The following MITF variants were observed in gnomAD, a reference collection of about 807,000 sequenced individuals.
MITF encodes the protein melanocyte inducing transcription factor, also known as microphthalmia-associated transcription factor.
MITF carries 17 observed loss-of-function variants against 60.5 expected under a neutral mutation model. The observed-to-expected ratio is 0.28, with a 90% CI of 0.19 to 0.42. The LOEUF (loss-of-function observed/expected upper bound fraction) is 0.42, where lower values mean the gene tolerates loss of function less well. Among genes scored for constraint, MITF ranks in the 10% least tolerant of loss-of-function variants. The pLI is 1.00. For synonymous variants in MITF, 260 were observed against 248.5 expected (o/e 1.05, Z -0.43); for missense variants, 622 against 683.5 (o/e 0.91, Z 1.00).
At chr3:69,961,449 C>T (rs1409987101) in intron 9 of MITF, among the ~76,000 whole-genome samples, 1 of 144,596 alleles carries the variant, frequency 6.9e-6, no homozygotes, top group African/African-American at 2.6e-5. Context: ...GTTCACGCCT[C>T]TAATCCCAGC....
intron 1 of MITF, among the ~76,000 whole-genome samples, chr3:69,743,648 G>A (rs555720609): frequency 2.8e-4 from 42 of 152,280 alleles, no homozygotes; most frequent in Non-Finnish European, 5.1e-4. Flanking sequence ...TTTGCACACC[G>A]TTTCCTCCGA....
intron 1 of MITF, among the ~76,000 whole-genome samples, chr3:69,740,918 C>T (rs189507064): frequency 2.4e-4 from 37 of 152,276 alleles, no homozygotes; most frequent in South Asian, 2.1e-4. Flanking sequence ...GTAATCTTGG[C>T]CTCTGGCGAG....
At chr3:69,808,664 C>A (rs2063051692) in intron 1 of MITF, among the ~76,000 whole-genome samples, 1 of 152,018 alleles carries the variant, frequency 6.6e-6, no homozygotes, top group Admixed American at 6.6e-5. Flanking sequence ...GAGACTCACT[C>A]ATGGACATCA....
chr3:69,822,983 A>G (rs1007556126), intron 1 of MITF, among the ~76,000 whole-genome samples: 2 of 151,114 alleles, frequency 1.3e-5, no homozygotes, highest in African/African-American at 2.4e-5. Flanking sequence ...ACTGCAAGCA[A>G]TTTTCCTGCT....
At position 69,925,212 on chromosome 3, in the gene MITF, A is replaced by C. The variant is rs1380063785; in HGVS notation, c.355-12610A>C. Among the ~76,000 whole-genome samples, 5 of 152,184 alleles carry C rather than the reference A, an allele frequency of 3.3e-5. No homozygotes were observed. The East Asian group carries it at 7.7e-4, about 24-fold the overall frequency. On this transcript the variant is annotated intron_variant, in intron 2 of 9. Transcript: ENST00000352241. ...AGCAACTATTAGGTAGGTAGGATCC[A>C]TGAGCCCATTTTGTAAACAGAAAAC...
At chr3:69,927,996 G>C (rs570185249) in intron 2 of MITF, among the ~76,000 whole-genome samples, 1 of 152,196 alleles carries the variant, frequency 6.6e-6, no homozygotes, top group Non-Finnish European at 1.5e-5. Flanking sequence ...TTTTGGGGCC[G>C]TCGGGTCCAT....
chr3:69,906,215 A>G (rs959836983), intron 2 of MITF, among the ~76,000 whole-genome samples: 1 of 152,132 alleles, frequency 6.6e-6, no homozygotes. Context: ...TGAAAAAACT[A>G]TCCTTTTTCC....
At chr3:69,782,938 G>T (rs1368938934) in intron 1 of MITF, among the ~76,000 whole-genome samples, 5 of 152,170 alleles carry the variant, frequency 3.3e-5, no homozygotes, top group Non-Finnish European at 7.4e-5. Context: ...CCTTAACAGA[G>T]ATGAGAATAG....
intron 5 of MITF, among the ~76,000 whole-genome samples, chr3:69,942,626 A>G (rs1034176539): frequency 4.6e-5 from 7 of 152,110 alleles, no homozygotes; most frequent in Non-Finnish European, 5.9e-5. Context: ...TGGAAGAACC[A>G]GGTGTTCTAC....
intron 1 of MITF, among the ~76,000 whole-genome samples, chr3:69,821,444 A>G (rs1529585): frequency 0.31 from 47,202 of 151,782 alleles, 8,882 homozygotes; most frequent in Non-Finnish European, 0.43. Context: ...CTTAAAATCT[A>G]ATTGGTAGGA....
At chr3:69,772,334 G>A (rs1186456139) in intron 1 of MITF, among the ~76,000 whole-genome samples, 3 of 152,160 alleles carry the variant, frequency 2.0e-5, no homozygotes, top group Non-Finnish European at 1.5e-5. Context: ...TTAGAATGGT[G>A]CATGGAGGCT....
At chr3:69,934,126 A>T (rs571982084) in intron 2 of MITF, among the ~76,000 whole-genome samples, 1 of 152,270 alleles carries the variant, frequency 6.6e-6, no homozygotes, top group South Asian at 2.1e-4. Context: ...AATGCCAACC[A>T]CATTCTAGAT....
intron 2 of MITF, among the ~76,000 whole-genome samples, chr3:69,880,272 G>GA (rs1414154293): frequency 2.0e-5 from 3 of 151,980 alleles, no homozygotes; most frequent in Non-Finnish European, 4.4e-5. Flanking sequence ...CATGTGCACA[G>GA]AAAAAATGTC....
intron 1 of MITF, among the ~76,000 whole-genome samples, 180 bp downstream of exon 1, chr3:69,739,881 C>A (rs1703464152): frequency 6.6e-6 from 1 of 152,056 alleles, no homozygotes; most frequent in African/African-American, 2.4e-5. Context: ...CCCAAGTGCG[C>A]CTTTAGGAAG....
At position 69,966,485 on chromosome 3, in the gene MITF, A is replaced by G. The variant is rs986914207; in HGVS notation, c.*1237A>G. ...ATTTTTAGGACATGAAAATAGCAAT[A>G]TTCTTGGAGATTGATAACCATAGCA... is the stretch of plus-strand genomic sequence containing the variant. On this transcript the variant is annotated 3_prime_UTR_variant, in exon 10 of 10. Transcript: ENST00000352241. The G allele has an allele frequency of 4.3e-6, 1 of 232,750 alleles. No individual in the cohort carries two copies. Among genetic ancestry groups the G allele is most frequent in the Non-Finnish European group, 8.5e-6 (1 of 117,592 alleles). 14.4% of individuals were successfully genotyped at this position (232,750 alleles called of 1,614,324 possible).
Position 69,877,783 on chromosome 3 carries a change from T to C in MITF, c.105-1351T>C, listed in dbSNP as rs116319315. 6.7e-3 allele frequency among the ~76,000 whole-genome samples: 1,023 copies of C among 152,266 alleles called. 5 individuals are homozygous for C. Among genetic ancestry groups the C allele is most frequent in the Non-Finnish European group, 0.012 (816 of 67,998 alleles). Reference sequence around the variant, plus strand: ...AGCTCATGAGGATGGTCAATGATATTTAAGGCTTCATTTTGCCTTTTATTA... The same window carrying C: ...AGCTCATGAGGATGGTCAATGATATCTAAGGCTTCATTTTGCCTTTTATTA... On this transcript the variant is annotated intron_variant, in intron 1 of 9. Transcript: ENST00000352241.
chr3:69,739,778 C>A (rs1276122483), intron 1 of MITF, 77 bp downstream of exon 1: 20 of 1,106,360 alleles, frequency 1.8e-5, no homozygotes, highest in Non-Finnish European at 2.4e-5. Flanking sequence ...GCGAGGAGAG[C>A]GGGTCGCGGG....
chr3:69,811,528 T>A (rs1365087219), intron 1 of MITF, among the ~76,000 whole-genome samples: 2 of 152,118 alleles, frequency 1.3e-5, no homozygotes, highest in Non-Finnish European at 2.9e-5. Flanking sequence ...CTCTACAGGG[T>A]ATTGATTTAA....
At chr3:69,747,150 G>C (rs1277189573) in intron 1 of MITF, among the ~76,000 whole-genome samples, 1 of 152,192 alleles carries the variant, frequency 6.6e-6, no homozygotes, top group Non-Finnish European at 1.5e-5. Flanking sequence ...TGGCCATAGG[G>C]AGTCCAGTGG....
Sources: gnomAD v4.1 joint callset for allele counts (sites outside exome capture counted in the v4.1 genomes callset) on GRCh38, gnomAD v4.1.1 for gene constraint, MANE v1.5 for transcripts, NCBI Gene and HGNC (gene_info 2026-07-23, HGNC 2026-07-21) for gene names.